The following LYPD6B variants were observed in gnomAD, a reference collection of about 807,000 sequenced individuals.
LYPD6B encodes the protein LY6/PLAUR domain containing 6B.
A neutral mutation model predicts 22.8 loss-of-function variants in LYPD6B; 17 were observed. The ratio of observed to expected loss-of-function variants is 0.75; its 90% CI spans 0.51 to 1.12. The LOEUF (loss-of-function observed/expected upper bound fraction) is 1.12, where lower values mean the gene tolerates loss of function less well. LYPD6B is among the 50% of genes most tolerant of loss of function. The pLI is 0.00. For synonymous variants in LYPD6B, 106 were observed against 91.6 expected, an observed-to-expected ratio of 1.16 and a Z score of -0.90; for missense variants, 221 against 258.3, an observed-to-expected ratio of 0.86 and a Z score of 0.99.
intron 1 of LYPD6B, among the ~76,000 whole-genome samples, chr2:149,046,122 A>C (rs1374819140): frequency 1.3e-5 from 2 of 152,020 alleles, no homozygotes; most frequent in African/African-American, 4.8e-5. Flanking sequence ...GAACATCTTG[A>C]TCCCTTTCTT....
Position 149,086,224 on chromosome 2 carries a change from A to G in LYPD6B, c.-66-44659A>G, listed in dbSNP as rs6717074. On this transcript the variant is annotated intron_variant, in intron 1 of 6. Coordinates refer to ENST00000409642, the MANE Select transcript of LYPD6B (RefSeq NM_177964.5). Reference sequence around the variant, plus strand: ...TGTAAAACAGCCTATCAACATTTGCATACATTTCATAATAATAAAATCAAA... The same window carrying G: ...TGTAAAACAGCCTATCAACATTTGCGTACATTTCATAATAATAAAATCAAA... Among the ~76,000 whole-genome samples, 690 of 152,348 alleles carry G rather than the reference A, an allele frequency of 4.5e-3. 8 individuals carry two copies. Among genetic ancestry groups the G allele is most frequent in the African/African-American group, 0.016 (661 of 41,586 alleles).
intron 3 of LYPD6B, among the ~76,000 whole-genome samples, chr2:149,202,342 C>G (rs986993459): frequency 6.6e-6 from 1 of 152,148 alleles, no homozygotes; most frequent in Admixed American, 6.5e-5. Context: ...CAGTCCCCTC[C>G]TTCGTGTTCC....
chr2:149,078,717 A>G (rs1009179311), intron 1 of LYPD6B, among the ~76,000 whole-genome samples: 4 of 152,192 alleles, frequency 2.6e-5, no homozygotes, highest in African/African-American at 9.7e-5. Context: ...TTAAAAGACC[A>G]ACCTATACAG....
At chr2:149,187,700 C>A in intron 3 of LYPD6B, 1 of 458,834 alleles carries the variant, frequency 2.2e-6, no homozygotes, top group Non-Finnish European at 3.8e-6. Flanking sequence ...TTGGACCACA[C>A]ATAAAATACG....
At chr2:149,211,632 TA>T (rs1474665327) in intron 5 of LYPD6B, among the ~76,000 whole-genome samples, 3 of 149,990 alleles carry the variant, frequency 2.0e-5, no homozygotes, top group African/African-American at 7.3e-5. Context: ...ATCATTTTAC[TA>T]AAACCAAAAA....
At chr2:149,210,301 A>G (rs1427359800) in intron 5 of LYPD6B, among the ~76,000 whole-genome samples, 1 of 152,174 alleles carries the variant, frequency 6.6e-6, no homozygotes, top group Admixed American at 6.5e-5. Context: ...TCCACCACCA[A>G]GAAAACATCA....
At chr2:149,056,428 C>T (rs1683797085) in intron 1 of LYPD6B, among the ~76,000 whole-genome samples, 1 of 152,170 alleles carries the variant, frequency 6.6e-6, no homozygotes, top group Admixed American at 6.5e-5. Flanking sequence ...CCAATGTGGG[C>T]TTCACCATCA....
chr2:149,122,162 C>T (rs1687397938), intron 1 of LYPD6B, among the ~76,000 whole-genome samples: 1 of 152,118 alleles, frequency 6.6e-6, no homozygotes, highest in African/African-American at 2.4e-5. Context: ...TCCATTTTAC[C>T]ATGAAAACTG....
chr2:149,190,436 T>C lies in LYPD6B; in HGVS notation c.78-14817T>C, dbSNP rs144512538. ...TGCAAGTCTACCTGTAGAATAAAACTAGAGTAGGATTTTTGGGGTCAAGGG... is the reference window on the plus strand; with the variant it reads ...TGCAAGTCTACCTGTAGAATAAAACCAGAGTAGGATTTTTGGGGTCAAGGG... On this transcript the variant is annotated intron_variant, in intron 3 of 6. Transcript: ENST00000409642. Among the ~76,000 whole-genome samples, 193 of 152,300 alleles carry C rather than the reference T, an allele frequency of 1.3e-3. 1 individual carries two copies. The highest frequency in any genetic ancestry group is 4.6e-3 in the African/African-American group (190 of 41,568).
Position 149,038,893 on chromosome 2 carries a change from C to T in LYPD6B, c.-67+92C>T, listed in dbSNP as rs991710120. On this transcript the variant is annotated intron_variant, in intron 1 of 6. Coordinates refer to ENST00000409642, the MANE Select transcript of LYPD6B (RefSeq NM_177964.5). ...CGAGTGCGGGGCCGCGCGACTGCGG[C>T]GGGAGATGCGCTGCGCCCCTTCTGG... 161 of 150,512 alleles carry T rather than the reference C, an allele frequency of 1.1e-3. 1 individual carries two copies. The highest frequency in any genetic ancestry group is 1.5e-3 in the Non-Finnish European group (102 of 67,424). 9.3% of individuals were successfully genotyped at this position (150,512 alleles called of 1,614,324 possible).
intron 1 of LYPD6B, among the ~76,000 whole-genome samples, chr2:149,046,700 A>G (rs574203283): frequency 1.3e-5 from 2 of 152,206 alleles, no homozygotes; most frequent in East Asian, 1.9e-4. Context: ...TAGAGTTAAT[A>G]ATATGTATCT....
At chr2:149,090,390 G>A (rs1353205911) in intron 1 of LYPD6B, among the ~76,000 whole-genome samples, 3 of 152,176 alleles carry the variant, frequency 2.0e-5, no homozygotes, top group Middle Eastern at 3.2e-3. Flanking sequence ...TGAAATCAAT[G>A]TGCACTTAAA....
chr2:149,079,363 T>C (rs553762833), intron 1 of LYPD6B, among the ~76,000 whole-genome samples: 1 of 152,360 alleles, frequency 6.6e-6, no homozygotes, highest in East Asian at 1.9e-4. Flanking sequence ...CTGCCATACC[T>C]GATCCATAAT....
chr2:149,130,563 A>G (rs1687964616), intron 1 of LYPD6B, among the ~76,000 whole-genome samples: 1 of 152,218 alleles, frequency 6.6e-6, no homozygotes, highest in Admixed American at 6.5e-5. Context: ...CCACTAACTT[A>G]CAGCAGAGCT....
intron 1 of LYPD6B, among the ~76,000 whole-genome samples, chr2:149,103,819 C>A (rs1298269339): frequency 1.4e-5 from 2 of 141,210 alleles, no homozygotes; most frequent in Non-Finnish European, 3.0e-5. Flanking sequence ...CTCTCTTGCC[C>A]AGGCTGGAGT....
intron 1 of LYPD6B, among the ~76,000 whole-genome samples, chr2:149,085,616 G>A (rs1363801601): frequency 6.6e-6 from 1 of 152,186 alleles, no homozygotes; most frequent in Admixed American, 6.5e-5. Context: ...TTAAAGACTG[G>A]AATGTCCCAG....
chr2:149,212,954 T>A lies in LYPD6B; in HGVS notation c.329-38T>A, dbSNP rs781129845. 2.5e-6 allele frequency: 4 copies of A among 1,600,368 alleles called. No homozygotes were observed. In the African/African-American group the frequency reaches 5.4e-5, roughly 21 times the overall value. ...TTGTAATATGGATATTGAAATTACC[T>A]TGTTTCTTGGTTTTGTTTTTTGTTT... is the stretch of plus-strand genomic sequence containing the variant. On this transcript the variant is annotated intron_variant, in intron 5 of 6. Coordinates refer to ENST00000409642, the MANE Select transcript of LYPD6B (RefSeq NM_177964.5).
chr2:149,121,516 A>G (rs1283616059), intron 1 of LYPD6B, among the ~76,000 whole-genome samples: 2 of 152,184 alleles, frequency 1.3e-5, no homozygotes, highest in Non-Finnish European at 2.9e-5. Context: ...AATGAAGAGG[A>G]TGTCATGAAG....
intron 2 of LYPD6B, among the ~76,000 whole-genome samples, chr2:149,134,138 G>T (rs11689777): frequency 0.075 from 11,458 of 151,974 alleles, 536 homozygotes; most frequent in Middle Eastern, 0.19. Flanking sequence ...CTGAAGAAAG[G>T]AGAGAGAGAG....
Sources: gnomAD v4.1 joint callset for allele counts (sites outside exome capture counted in the v4.1 genomes callset) on GRCh38, gnomAD v4.1.1 for gene constraint, MANE v1.5 for transcripts, NCBI Gene and HGNC (gene_info 2026-07-23, HGNC 2026-07-21) for gene names.